The following CCDC148 variants were observed in gnomAD, a reference collection of about 807,000 sequenced individuals.
CCDC148 encodes coiled-coil domain containing 148, also known as coiled-coil domain-containing protein 148.
CCDC148 carries 89 observed loss-of-function variants against 85.7 expected under a neutral mutation model. The observed-to-expected ratio is 1.04, with a 90% CI of 0.87 to 1.24. The LOEUF (loss-of-function observed/expected upper bound fraction) is 1.24. CCDC148 is among the 50% of genes most tolerant of loss of function. The pLI, the probability that CCDC148 is intolerant of heterozygous loss-of-function variation, is 0.00. For missense variants in CCDC148, 692 were observed against 671.7 expected, an observed-to-expected ratio of 1.03 and a Z score of -0.33; for synonymous variants, 230 against 213.9, an observed-to-expected ratio of 1.08 and a Z score of -0.66.
At chr2:158,296,139 T>A (rs1691177330) in intron 9 of CCDC148, among the ~76,000 whole-genome samples, 1 of 152,212 alleles carries the variant, frequency 6.6e-6, no homozygotes, top group Admixed American at 6.5e-5. Context: ...ATCTCAGAAA[T>A]CTTTGCCAAA....
At chr2:158,304,181 A>G (rs542969409) in intron 9 of CCDC148, among the ~76,000 whole-genome samples, 7 of 152,240 alleles carry the variant, frequency 4.6e-5, no homozygotes, top group African/African-American at 1.7e-4. Context: ...TTCATGCAGA[A>G]GATGGCTTCT....
chr2:158,293,551 C>T (rs888176829), intron 9 of CCDC148, among the ~76,000 whole-genome samples: 1 of 152,076 alleles, frequency 6.6e-6, no homozygotes, highest in Non-Finnish European at 1.5e-5. Flanking sequence ...CTATAGTCAC[C>T]ACTTAACAAA....
chr2:158,302,608 A>C (rs967170700), intron 9 of CCDC148, among the ~76,000 whole-genome samples: 2 of 152,062 alleles, frequency 1.3e-5, no homozygotes, highest in Non-Finnish European at 2.9e-5. Flanking sequence ...ACATGGTGAA[A>C]CGCTGCCTCT....
At chr2:158,336,314 T>C (rs953905356) in intron 7 of CCDC148, among the ~76,000 whole-genome samples, 2 of 152,216 alleles carry the variant, frequency 1.3e-5, no homozygotes, top group Non-Finnish European at 2.9e-5. Context: ...ACTCTTTTAC[T>C]CTTTCTTCTC....
chr2:158,322,936 G>A (rs540018779), intron 7 of CCDC148, among the ~76,000 whole-genome samples: 27 of 152,032 alleles, frequency 1.8e-4, no homozygotes, highest in Admixed American at 1.2e-3. Flanking sequence ...TCCACATATT[G>A]ACTTCATATC....
intron 10 of CCDC148, among the ~76,000 whole-genome samples, chr2:158,234,393 A>G (rs1345390473): frequency 1.3e-5 from 2 of 152,198 alleles, no homozygotes; most frequent in Non-Finnish European, 2.9e-5. Flanking sequence ...TCAGTGCCTT[A>G]AACTTGAACA....
At chr2:158,393,572 G>A (rs144006609) in intron 1 of CCDC148, among the ~76,000 whole-genome samples, 2 of 152,150 alleles carry the variant, frequency 1.3e-5, no homozygotes, top group South Asian at 4.1e-4. Context: ...TGTAGCTACA[G>A]GTTAGGGGGC....
intron 1 of CCDC148, among the ~76,000 whole-genome samples, chr2:158,431,695 T>C (rs1254222800): frequency 6.6e-6 from 1 of 152,184 alleles, no homozygotes; most frequent in Non-Finnish European, 1.5e-5. Flanking sequence ...CCCAGCACTT[T>C]AGGTAGGTCA....
intron 7 of CCDC148, among the ~76,000 whole-genome samples, chr2:158,338,333 G>A (rs1251132242): frequency 1.3e-5 from 2 of 152,094 alleles, no homozygotes; most frequent in African/African-American, 4.8e-5. Context: ...GTTGATCATA[G>A]GATAAAATTA....
chr2:158,246,127 G>A (rs1688559787), intron 10 of CCDC148, among the ~76,000 whole-genome samples: 1 of 152,162 alleles, frequency 6.6e-6, no homozygotes, highest in Non-Finnish European at 1.5e-5. Context: ...TTGTATGGTG[G>A]AGTTTTGCAC....
intron 9 of CCDC148, among the ~76,000 whole-genome samples, chr2:158,294,577 A>C (rs1691079937): frequency 6.6e-6 from 1 of 152,124 alleles, no homozygotes; most frequent in Admixed American, 6.5e-5. Flanking sequence ...TAATCCCAGC[A>C]CTTTGGGAGG....
chr2:158,444,794 A>G (rs903277890), intron 1 of CCDC148, among the ~76,000 whole-genome samples: 4 of 147,922 alleles, frequency 2.7e-5, no homozygotes, highest in African/African-American at 1.0e-4. Context: ...TGAAAAAAAA[A>G]AAAAAAAAAA....
chr2:158,175,259 T>G (rs1684520952), intron 13 of CCDC148, among the ~76,000 whole-genome samples: 1 of 152,082 alleles, frequency 6.6e-6, no homozygotes, highest in Non-Finnish European at 1.5e-5. Flanking sequence ...TCTCCCCACT[T>G]CAGCAGCTAG....
intron 1 of CCDC148, chr2:158,425,014 G>A (rs1263746583): frequency 2.5e-6 from 1 of 404,272 alleles, no homozygotes; most frequent in Non-Finnish European, 4.9e-6. Context: ...CAAAAAGGAA[G>A]AACAGGTGCT....
chr2:158,358,405 G>T (rs368101445), intron 2 of CCDC148, 44 bp downstream of exon 2: 2 of 1,577,564 alleles, frequency 1.3e-6, no homozygotes, highest in Non-Finnish European at 1.7e-6. Flanking sequence ...CCAGCAATTC[G>T]ATTTTCTAAA....
chr2:158,182,863 A>G (rs529387341), intron 11 of CCDC148, among the ~76,000 whole-genome samples: 1 of 152,178 alleles, frequency 6.6e-6, no homozygotes, highest in Non-Finnish European at 1.5e-5. Context: ...AAATACTCAC[A>G]TATTCATGGG....
intron 11 of CCDC148, among the ~76,000 whole-genome samples, chr2:158,210,655 C>T (rs1686515082): frequency 6.6e-6 from 1 of 151,652 alleles, no homozygotes; most frequent in South Asian, 2.1e-4. Flanking sequence ...TTAAGAAATT[C>T]ACTCAAGGCC....
intron 9 of CCDC148, among the ~76,000 whole-genome samples, chr2:158,294,919 G>A (rs1398819792): frequency 1.3e-5 from 2 of 151,362 alleles, no homozygotes; most frequent in African/African-American, 4.9e-5. Flanking sequence ...TCCAGTTGAC[G>A]ATATTTGACA....
intron 1 of CCDC148, among the ~76,000 whole-genome samples, chr2:158,445,342 C>A (rs1688116322): frequency 6.6e-6 from 1 of 151,800 alleles, no homozygotes; most frequent in African/African-American, 2.4e-5. Context: ...TATTTATGTC[C>A]TACTTTTACA....
Sources: gnomAD v4.1 joint callset for allele counts (sites outside exome capture counted in the v4.1 genomes callset) on GRCh38, gnomAD v4.1.1 for gene constraint, MANE v1.5 for transcripts, NCBI Gene and HGNC (gene_info 2026-07-23, HGNC 2026-07-21) for gene names.